Variants in VWF observed in about 807,000 individuals in gnomAD.
VWF encodes the protein Factor VIII related antigen.
In VWF, 176 loss-of-function variants were observed where a neutral mutation model predicts 308.6. The ratio of observed to expected loss-of-function variants is 0.57; its 90% CI spans 0.50 to 0.65. The LOEUF (loss-of-function observed/expected upper bound fraction) is 0.65, where lower values mean the gene tolerates loss of function less well. VWF is among the 30% of genes least tolerant of loss of function. VWF has a pLI of 0.00. For missense variants in VWF, 3,146 were observed against 3,648.2 expected (o/e 0.86, Z 3.55); for synonymous variants, 1,385 against 1,443.4 (o/e 0.96, Z 0.92).
At chr12:6,056,326 T>A (rs1209401875) in intron 15 of VWF, among the ~76,000 whole-genome samples, 2 of 92,642 alleles carry the variant, frequency 2.2e-5, no homozygotes, top group Middle Eastern at 5.0e-3. Context: ...AATCCAACAG[T>A]GCAGAGTGAG....
chr12:6,111,915 G>A (rs1022202824), intron 3 of VWF, among the ~76,000 whole-genome samples: 1 of 151,912 alleles, frequency 6.6e-6, no homozygotes, highest in African/African-American at 2.4e-5. Context: ...CGGAGATCGC[G>A]CCACTGCACT....
At chr12:6,108,326 GAA>G (rs1302926289) in intron 5 of VWF, among the ~76,000 whole-genome samples, 55 of 54,994 alleles carry the variant, frequency 1.0e-3, no homozygotes, top group Non-Finnish European at 2.2e-3. Context: ...AAGAAAGAAA[GAA>G]ATATATACAC....
At chr12:6,109,873 A>G (rs1476318147) in intron 5 of VWF, among the ~76,000 whole-genome samples, 1 of 152,110 alleles carries the variant, frequency 6.6e-6, no homozygotes, top group Admixed American at 6.5e-5. Context: ...GATGGTCTCA[A>G]TCTCCTGACC....
intron 6 of VWF, among the ~76,000 whole-genome samples, chr12:6,093,989 T>C (rs11837434): frequency 0.097 from 14,708 of 152,190 alleles, 1,337 homozygotes; most frequent in African/African-American, 0.24. Flanking sequence ...CCCAGCCTTG[T>C]CAGGGTTGGC....
intron 32 of VWF, among the ~76,000 whole-genome samples, chr12:6,012,786 C>G (rs1360703493): frequency 6.6e-6 from 1 of 151,308 alleles, no homozygotes; most frequent in East Asian, 1.9e-4. Context: ...ACTGCAAGCT[C>G]TGCCTCCCGG....
rs113852094 is a variant in VWF, at chr12:5,969,485, T to G, written c.7549-94A>C. 3,072 of 1,485,200 alleles carry G rather than the reference T, an allele frequency of 2.1e-3. 50 individuals are homozygous for G. The African/African-American group carries it at 0.037, about 18-fold the overall frequency. The allele number at this position is 1,485,200 out of a possible 1,614,324, so 92.0% of individuals were successfully genotyped here. ...GCTCTTCTCTCAGGAAGGTGGTTTC[T>G]AGACGTGAAGCCTGGCTTAACATGT... On this transcript the variant is annotated intron_variant, in intron 44 of 51. Transcript: ENST00000261405.
At chr12:6,116,845 G>C (rs957020465) in intron 3 of VWF, among the ~76,000 whole-genome samples, 1 of 152,218 alleles carries the variant, frequency 6.6e-6, no homozygotes, top group Non-Finnish European at 1.5e-5. Context: ...GCACTCGGGA[G>C]GAATGTGGAT....
At chr12:6,054,010 C>T (rs1474733051) in intron 15 of VWF, among the ~76,000 whole-genome samples, 1 of 152,202 alleles carries the variant, frequency 6.6e-6, no homozygotes, top group Admixed American at 6.5e-5. Flanking sequence ...TGCAGACCAG[C>T]TGCTGCCCAA....
chr12:5,978,257 A>G (rs1429267384), intron 42 of VWF, among the ~76,000 whole-genome samples: 3 of 151,754 alleles, frequency 2.0e-5, no homozygotes, highest in Non-Finnish European at 4.4e-5. Context: ...CTGAAAGGAA[A>G]TTTTATGTAT....
intron 5 of VWF, among the ~76,000 whole-genome samples, chr12:6,105,034 C>T (rs894543803): frequency 6.6e-6 from 1 of 152,028 alleles, no homozygotes; most frequent in Non-Finnish European, 1.5e-5. Context: ...AAAGTGGTTA[C>T]TAAAAGATGT....
At chr12:6,092,624 T>TGAGA (rs1180180618) in intron 6 of VWF, among the ~76,000 whole-genome samples, 86 of 87,052 alleles carry the variant, frequency 9.9e-4, no homozygotes, top group African/African-American at 5.3e-3. Flanking sequence ...TGAGAGTGTG[T>TGAGA]GTGTGTGTGT....
At chr12:6,118,606 C>T (rs1015892023) in intron 3 of VWF, among the ~76,000 whole-genome samples, 4 of 151,830 alleles carry the variant, frequency 2.6e-5, no homozygotes, top group Non-Finnish European at 5.9e-5. Context: ...AGGCTGGTCT[C>T]GATCTCCCAA....
chr12:6,074,790 AC>A (rs1332955734), intron 7 of VWF, among the ~76,000 whole-genome samples: 8 of 152,234 alleles, frequency 5.3e-5, no homozygotes, highest in Admixed American at 3.9e-4. Flanking sequence ...GGGGACAGTG[AC>A]CATAACTAGG....
intron 5 of VWF, among the ~76,000 whole-genome samples, chr12:6,101,419 C>G (rs1010824738): frequency 2.5e-4 from 37 of 149,050 alleles, no homozygotes; most frequent in African/African-American, 9.1e-4. Flanking sequence ...AAAAGCAACA[C>G]AGAGGGATAA....
intron 47 of VWF, among the ~76,000 whole-genome samples, chr12:5,960,783 C>T (rs1287231889): frequency 1.3e-5 from 2 of 152,064 alleles, no homozygotes; most frequent in Admixed American, 6.5e-5. Flanking sequence ...AAATTTAAAC[C>T]AATTCATTGT....
rs137946832 is a variant in VWF, at chr12:6,066,640, A to G, written c.1157-1367T>C. ...CCTTTGGGGAACAGATGCTAGACCA[A>G]CGTTGGAAAGACAAATGTAAGAGGG... On this transcript the variant is annotated intron_variant, in intron 10 of 51. Coordinates refer to ENST00000261405, the MANE Select transcript of VWF (RefSeq NM_000552.5). Among the ~76,000 whole-genome samples the G allele has an allele frequency of 1.6e-4, 24 of 152,350 alleles. No individual in the cohort carries two copies. In the East Asian group the frequency reaches 3.5e-3, roughly 22 times the overall value.
At chr12:5,961,859 CTATGTTGGGATTT>C (rs932276636) in intron 47 of VWF, among the ~76,000 whole-genome samples, 2 of 152,014 alleles carry the variant, frequency 1.3e-5, no homozygotes, top group Non-Finnish European at 2.9e-5. Flanking sequence ...TACAAAATTC[CTATGTTGGGATTT>C]AAACTCCCAA....
At position 6,020,847 on chromosome 12, in the gene VWF, G is replaced by A. The variant is rs942566789; in HGVS notation, c.3674+1053C>T. Among the ~76,000 whole-genome samples, 8 of 152,236 alleles carry A rather than the reference G, an allele frequency of 5.3e-5. No individual in the cohort carries two copies. The highest frequency in any genetic ancestry group is 1.9e-4 in the East Asian group (1 of 5,200). ...ACTGCTTGCAGCTTCAGCGTGCACC[G>A]TGGCAGCTGCCCCTGCCCGTGTGCC... On this transcript the variant is annotated intron_variant, in intron 27 of 51. Coordinates refer to ENST00000261405, the MANE Select transcript of VWF (RefSeq NM_000552.5). The surrounding 1 kb of genome is among the most constrained non-coding windows in gnomAD (Gnocchi z 4.3).
intron 22 of VWF, among the ~76,000 whole-genome samples, chr12:6,027,933 C>A (rs1227823088): frequency 1.3e-5 from 2 of 151,978 alleles, no homozygotes; most frequent in Non-Finnish European, 2.9e-5. Flanking sequence ...GCGCCTAGGA[C>A]CACGTTTGAC....
Sources: allele counts gnomAD v4.1 joint callset (sites outside exome capture counted in the v4.1 genomes callset), GRCh38; gene constraint gnomAD v4.1.1; non-coding constraint Gnocchi (gnomAD v3.1); transcripts MANE v1.5; gene names NCBI Gene and HGNC (gene_info 2026-07-23, HGNC 2026-07-21).